Variants in DAP observed in about 807,000 individuals in gnomAD.
DAP encodes the protein death-associated protein 1.
In DAP, 8 loss-of-function variants were observed where a neutral mutation model predicts 13.8. That is an observed-to-expected ratio of 0.58 (90% CI 0.34 to 1.05). The LOEUF is 1.05. Among genes scored for constraint, DAP ranks in the 50% least tolerant of loss-of-function variants. The probability of loss-of-function intolerance (pLI) is 0.03; values close to 1 mark genes in which losing one functional copy is unlikely to be tolerated. For missense variants in DAP, 106 were observed against 133.2 expected (o/e 0.80, Z 1.01); for synonymous variants, 47 against 47.5 (o/e 0.99, Z 0.04).
At chr5:10,748,961 C>G (rs1261650580) in intron 1 of DAP, among the ~76,000 whole-genome samples, 2 of 152,198 alleles carry the variant, frequency 1.3e-5, no homozygotes, top group African/African-American at 4.8e-5. Context: ...CAAACAGAAA[C>G]CCCACAGCCA....
chr5:10,718,552 G>A (rs1255558486), intron 2 of DAP, among the ~76,000 whole-genome samples: 1 of 152,220 alleles, frequency 6.6e-6, no homozygotes, highest in East Asian at 1.9e-4. Context: ...AGACGCAGGG[G>A]TGGTGACTCC....
intron 2 of DAP, among the ~76,000 whole-genome samples, chr5:10,692,465 T>G (rs1434850764): frequency 6.6e-6 from 1 of 152,086 alleles, no homozygotes; most frequent in East Asian, 1.9e-4. Context: ...GTCTCCCAGG[T>G]GGGCCGGATT....
At chr5:10,756,403 T>TTGA (rs1352594407) in intron 1 of DAP, among the ~76,000 whole-genome samples, 36 of 91,546 alleles carry the variant, frequency 3.9e-4, no homozygotes, top group Non-Finnish European at 4.4e-4. Context: ...AAAGTCTTTC[T>TTGA]GCAGGGAGAT....
At chr5:10,693,988 G>A (rs973180429) in intron 2 of DAP, among the ~76,000 whole-genome samples, 13 of 152,090 alleles carry the variant, frequency 8.5e-5, no homozygotes, top group South Asian at 2.1e-4. Flanking sequence ...AAGAAATGGT[G>A]CCTCAGAGAG....
chr5:10,682,359 G>A (rs1406909995), intron 3 of DAP, among the ~76,000 whole-genome samples: 1 of 151,412 alleles, frequency 6.6e-6, no homozygotes. Context: ...GGAAGCTCCA[G>A]GCCAGCGCCC....
chr5:10,705,967 T>C (rs1446886479), intron 2 of DAP, among the ~76,000 whole-genome samples: 2 of 152,192 alleles, frequency 1.3e-5, no homozygotes, highest in Non-Finnish European at 2.9e-5. Context: ...TTCTCAAATA[T>C]GCATCATTTT....
rs767450756 is a variant in DAP, at chr5:10,679,632, G to A, written c.*1424C>T. On this transcript the variant is annotated 3_prime_UTR_variant, in exon 4 of 4. Transcript: ENST00000230895. ...TATACCAACTGATCAGGAAATAGGT[G>A]GTGACAGGGCCTTGAAGGGTACATG... The A allele has an allele frequency of 2.0e-5, 3 of 152,356 alleles. No individual in the cohort carries two copies. Among genetic ancestry groups the A allele is most frequent in the African/African-American group, 4.8e-5 (2 of 41,452 alleles). The allele number at this position is 152,356 out of a possible 1,614,324, so 9.4% of individuals were successfully genotyped here.
At chr5:10,683,194 T>C in intron 3 of DAP, 1 of 357,970 alleles carries the variant, frequency 2.8e-6, no homozygotes, top group Non-Finnish European at 5.2e-6. Context: ...AGAAAGTGAA[T>C]GTTCTGAGAA....
chr5:10,716,679 T>C (rs1738998518), intron 2 of DAP, among the ~76,000 whole-genome samples: 1 of 152,204 alleles, frequency 6.6e-6, no homozygotes. Context: ...TTCTTCAGTT[T>C]TGAGACTCGG....
chr5:10,714,112 C>T (rs371876843), intron 2 of DAP, among the ~76,000 whole-genome samples: 11 of 152,286 alleles, frequency 7.2e-5, no homozygotes, highest in South Asian at 2.1e-4. Context: ...TATGTTTTGA[C>T]GTAACACAGA....
chr5:10,760,959 G>C lies in DAP; in HGVS notation c.55+55C>G, dbSNP rs10037087. ...GCGGAGCCCCCGCCCGGCGCCCCCG[G>C]GTTCGAGCCCGCCCCCGGCACCCGC... On this transcript the variant is annotated intron_variant, in intron 1 of 3. Transcript: ENST00000230895. 1.2e-4 allele frequency: 134 copies of C among 1,143,232 alleles called. No individual in the cohort carries two copies. In the African/African-American group the frequency reaches 2.0e-3, roughly 17 times the overall value. 70.8% of individuals were successfully genotyped at this position (1,143,232 alleles called of 1,614,324 possible).
intron 2 of DAP, among the ~76,000 whole-genome samples, chr5:10,700,861 A>G (rs1738560256): frequency 6.6e-6 from 1 of 152,222 alleles, no homozygotes; most frequent in Non-Finnish European, 1.5e-5. Context: ...AGATGGCCCT[A>G]CTGTTTTACA....
intron 1 of DAP, 75 bp downstream of exon 1, chr5:10,760,939 G>GC: frequency 1.0e-6 from 1 of 987,968 alleles, no homozygotes; most frequent in Non-Finnish European, 1.3e-6. Context: ...TCCCCGCGGA[G>GC]CCCCCGCCCG....
rs1043005243 is a variant in DAP, at chr5:10,756,054, GAGA to G, written c.55+4957_55+4959del. Among the ~76,000 whole-genome samples, 6 of 151,768 alleles carry G rather than the reference GAGA, an allele frequency of 4.0e-5. 1 individual carries two copies. Among genetic ancestry groups the G allele is most frequent in the African/African-American group, 1.2e-4 (5 of 41,192 alleles). The stretch of plus-strand genomic sequence containing the variant: ...TCCCAGCTACTCAGCACACTGAGGC[GAGA>G]AGATCTCTTGAGCCCAGGAGGCCAA... On this transcript the variant is annotated intron_variant, in intron 1 of 3. Coordinates refer to ENST00000230895, the MANE Select transcript of DAP (RefSeq NM_004394.3).
chr5:10,723,497 C>T (rs1234691849), intron 2 of DAP, among the ~76,000 whole-genome samples: 1 of 152,228 alleles, frequency 6.6e-6, no homozygotes, highest in East Asian at 1.9e-4. Flanking sequence ...CCAAGCAAAA[C>T]TACTCTCGTG....
intron 2 of DAP, among the ~76,000 whole-genome samples, chr5:10,699,786 G>C (rs1738521369): frequency 6.6e-6 from 1 of 152,208 alleles, no homozygotes. Flanking sequence ...TGCTGCACTA[G>C]GCCCCAGGCC....
At chr5:10,717,806 C>G (rs957729229) in intron 2 of DAP, among the ~76,000 whole-genome samples, 1 of 152,150 alleles carries the variant, frequency 6.6e-6, no homozygotes, top group Non-Finnish European at 1.5e-5. Context: ...TAGTGTAGAG[C>G]TATGGCATTG....
At chr5:10,757,784 G>A (rs1302541778) in intron 1 of DAP, among the ~76,000 whole-genome samples, 1 of 152,158 alleles carries the variant, frequency 6.6e-6, no homozygotes, top group Non-Finnish European at 1.5e-5. Flanking sequence ...TCAGAGTTGA[G>A]GAAGGTGTGG....
intron 1 of DAP, among the ~76,000 whole-genome samples, chr5:10,759,548 CTT>C (rs1223934305): frequency 1.3e-5 from 2 of 152,156 alleles, no homozygotes; most frequent in Non-Finnish European, 2.9e-5. Context: ...CCCCATGCCT[CTT>C]AAGTTCTCTG....
Sources: allele counts gnomAD v4.1 joint callset (sites outside exome capture counted in the v4.1 genomes callset), GRCh38; gene constraint gnomAD v4.1.1; transcripts MANE v1.5; gene names NCBI Gene and HGNC (gene_info 2026-07-23, HGNC 2026-07-21).